The following ADGRB3 variants were observed in gnomAD, a reference collection of about 807,000 sequenced individuals.
ADGRB3 encodes brain-specific angiogenesis inhibitor 3.
Under a neutral mutation model 193.4 loss-of-function variants are expected in ADGRB3, and 37 were observed. The observed-to-expected ratio is 0.19, with a 90% CI of 0.15 to 0.25. The LOEUF (loss-of-function observed/expected upper bound fraction) is 0.25, where lower values mean the gene tolerates loss of function less well. Among genes scored for constraint, ADGRB3 ranks in the 10% least tolerant of loss-of-function variants. ADGRB3 has a pLI of 1.00. For synonymous variants in ADGRB3, 690 were observed against 644.2 expected (o/e 1.07, Z -1.08); for missense variants, 1,637 against 1,852.9 (o/e 0.88, Z 2.14).
rs1383079454 is a variant in ADGRB3 at position 68,988,740 on chromosome 6, C to T, written c.1735-5028C>T. On this transcript the variant is annotated intron_variant, in intron 10 of 31. Coordinates refer to ENST00000370598, the MANE Select transcript of ADGRB3 (RefSeq NM_001704.3). ...AAAGCCTTTGTGAGGATGCTAACGA[C>T]ACCTCTCACACAAGCAGCGATGCCC... Among the ~76,000 whole-genome samples the T allele has an allele frequency of 2.6e-5, 4 of 152,088 alleles. No homozygotes were observed. The East Asian group carries it at 7.7e-4, about 29-fold the overall frequency.
At chr6:69,339,143 C>T (rs1768918816) in intron 25 of ADGRB3, 129 bp downstream of exon 25, 1 of 1,132,018 alleles carries the variant, frequency 8.8e-7, no homozygotes, top group Non-Finnish European at 1.3e-6. Flanking sequence ...TTATAATTGG[C>T]AACTGTCTTT....
At chr6:68,755,866 A>G (rs1015455350) in intron 3 of ADGRB3, among the ~76,000 whole-genome samples, 2 of 152,194 alleles carry the variant, frequency 1.3e-5, no homozygotes, top group Non-Finnish European at 2.9e-5. Flanking sequence ...TTTCTGATTA[A>G]CAGTGTTTTG....
chr6:68,675,834 C>T lies in ADGRB3; in HGVS notation c.757+36402C>T, dbSNP rs1737748348. 2.6e-5 allele frequency among the ~76,000 whole-genome samples: 4 copies of T among 152,190 alleles called. No homozygotes were observed. The South Asian group carries it at 8.3e-4, about 31-fold the overall frequency. On this transcript the variant is annotated intron_variant, in intron 3 of 31. Coordinates refer to ENST00000370598, the MANE Select transcript of ADGRB3 (RefSeq NM_001704.3). Reference sequence around the variant, plus strand: ...GTGGCGAAGCTTCAGACAGGGTCTTCAGTCATTCTCTTATTTGGAAACTTC... The same window carrying T: ...GTGGCGAAGCTTCAGACAGGGTCTTTAGTCATTCTCTTATTTGGAAACTTC...
intron 17 of ADGRB3, among the ~76,000 whole-genome samples, chr6:69,197,367 T>C (rs1189945926): frequency 1.3e-5 from 2 of 152,052 alleles, no homozygotes; most frequent in Non-Finnish European, 2.9e-5. Context: ...AGGATTTATG[T>C]TGGGGCCTAA....
At chr6:69,055,111 C>T (rs1236287624) in intron 15 of ADGRB3, among the ~76,000 whole-genome samples, 1 of 152,144 alleles carries the variant, frequency 6.6e-6, no homozygotes, top group African/African-American at 2.4e-5. Flanking sequence ...CCATCTCCTC[C>T]ATTGGTGATT....
intron 29 of ADGRB3, among the ~76,000 whole-genome samples, chr6:69,363,138 T>C (rs1769487701): frequency 6.6e-6 from 1 of 151,988 alleles, no homozygotes; most frequent in African/African-American, 2.4e-5. Context: ...CAAGAACTTC[T>C]TTCTTCAGTT....
At chr6:68,824,967 G>T (rs1767815600) in intron 3 of ADGRB3, among the ~76,000 whole-genome samples, 1 of 151,980 alleles carries the variant, frequency 6.6e-6, no homozygotes. Flanking sequence ...AAATTCTCCT[G>T]TGTCAGCCTC....
intron 30 of ADGRB3, among the ~76,000 whole-genome samples, chr6:69,375,705 C>T (rs889952212): frequency 6.6e-6 from 1 of 152,006 alleles, no homozygotes; most frequent in African/African-American, 2.4e-5. Flanking sequence ...CATTCTGAAA[C>T]GCTAATAGAT....
chr6:68,791,643 C>T (rs1767109621), intron 3 of ADGRB3, among the ~76,000 whole-genome samples: 1 of 152,088 alleles, frequency 6.6e-6, no homozygotes, highest in African/African-American at 2.4e-5. Flanking sequence ...GGAAACTATG[C>T]CTCATTTGCC....
intron 17 of ADGRB3, among the ~76,000 whole-genome samples, chr6:69,116,899 A>G (rs1333961434): frequency 6.6e-6 from 1 of 152,208 alleles, no homozygotes; most frequent in Non-Finnish European, 1.5e-5. Context: ...GGGACTCAGC[A>G]CTGCAAGCCT....
intron 3 of ADGRB3, among the ~76,000 whole-genome samples, chr6:68,677,524 T>C (rs1033484963): frequency 4.8e-5 from 7 of 145,254 alleles, no homozygotes; most frequent in African/African-American, 1.5e-4. Flanking sequence ...TTTTTTTCTT[T>C]TTTTTTTTTT....
intron 3 of ADGRB3, among the ~76,000 whole-genome samples, chr6:68,794,818 G>T (rs1012290122): frequency 1.3e-4 from 20 of 152,184 alleles, no homozygotes; most frequent in African/African-American, 4.8e-4. Context: ...GTCTGATCTT[G>T]TCCTGTATAT....
intron 10 of ADGRB3, among the ~76,000 whole-genome samples, chr6:68,991,245 A>G (rs1326179139): frequency 6.6e-6 from 1 of 152,158 alleles, no homozygotes; most frequent in Non-Finnish European, 1.5e-5. Context: ...AAGTTGATTC[A>G]ATAACCCATT....
intron 3 of ADGRB3, among the ~76,000 whole-genome samples, chr6:68,651,892 A>G (rs1370716677): frequency 6.6e-6 from 1 of 152,080 alleles, no homozygotes; most frequent in African/African-American, 2.4e-5. Flanking sequence ...AATGTTTTAA[A>G]CTTCCTTCCA....
In ADGRB3 at chr6:69,152,873, G is replaced by T. The variant is rs898925418; in HGVS notation, c.2480+76835G>T. Among the ~76,000 whole-genome samples the T allele has an allele frequency of 1.6e-4, 25 of 152,108 alleles. 1 individual carries two copies. The highest frequency in any genetic ancestry group is 5.8e-4 in the African/African-American group (24 of 41,418). On this transcript the variant is annotated intron_variant, in intron 17 of 31. Coordinates refer to ENST00000370598, the MANE Select transcript of ADGRB3 (RefSeq NM_001704.3). ...AGTATGTGAAATGTCTAAATAAATT[G>T]TAAAAGAGGTTACTTATATCGCTAT...
intron 3 of ADGRB3, among the ~76,000 whole-genome samples, chr6:68,821,160 T>C (rs904204256): frequency 6.6e-6 from 1 of 152,100 alleles, no homozygotes; most frequent in African/African-American, 2.4e-5. Context: ...GAAAATACTT[T>C]ATAAATATTA....
chr6:69,218,083 AAAG>A lies in ADGRB3; in HGVS notation c.2481-15200_2481-15198del, dbSNP rs1464368799. On this transcript the variant is annotated intron_variant, in intron 17 of 31. Coordinates refer to ENST00000370598, the MANE Select transcript of ADGRB3 (RefSeq NM_001704.3). ...CTCCAGCTGACAAAAAAAAAAAAAA[AAAG>A]AAGAAGTCAAAACCTTTCAAGCCTG... Among the ~76,000 whole-genome samples the A allele has an allele frequency of 2.4e-3, 359 of 151,504 alleles. 3 individuals carry two copies. Among genetic ancestry groups the A allele is most frequent in the Middle Eastern group, 3.4e-3 (1 of 292 alleles).
At chr6:68,667,003 T>C (rs546763544) in intron 3 of ADGRB3, among the ~76,000 whole-genome samples, 1 of 151,922 alleles carries the variant, frequency 6.6e-6, no homozygotes, top group South Asian at 2.1e-4. Context: ...CTTGGAAAAT[T>C]GTAGTTGTCA....
At chr6:69,317,155 C>T (rs1768330493) in intron 20 of ADGRB3, among the ~76,000 whole-genome samples, 1 of 151,388 alleles carries the variant, frequency 6.6e-6, no homozygotes, top group Non-Finnish European at 1.5e-5. Context: ...GATTAAAAAG[C>T]ATATTTATTT....
Sources: gnomAD v4.1 joint callset for allele counts (sites outside exome capture counted in the v4.1 genomes callset) on GRCh38, gnomAD v4.1.1 for gene constraint, MANE v1.5 for transcripts, NCBI Gene and HGNC (gene_info 2026-07-23, HGNC 2026-07-21) for gene names.